PRKG1: variants seen among roughly 807,000 people sequenced by gnomAD.
PRKG1 encodes protein kinase cGMP-dependent 1.
PRKG1 carries 35 observed loss-of-function variants against 88.1 expected under a neutral mutation model. The ratio of observed to expected loss-of-function variants is 0.40; its 90% CI spans 0.30 to 0.53. The LOEUF (loss-of-function observed/expected upper bound fraction) is 0.53, where lower values mean the gene tolerates loss of function less well. Among genes scored for constraint, PRKG1 ranks in the 20% least tolerant of loss-of-function variants. The probability of loss-of-function intolerance (pLI) is 0.59; values close to 1 mark genes in which losing one functional copy is unlikely to be tolerated. For synonymous variants in PRKG1, 303 were observed against 292.5 expected (o/e 1.04, Z -0.37); for missense variants, 540 against 839.8 (o/e 0.64, Z 4.41).
chr10:51,137,316 T>C (rs1465766855), intron 1 of PRKG1, among the ~76,000 whole-genome samples: 3 of 152,202 alleles, frequency 2.0e-5, no homozygotes, highest in Non-Finnish European at 4.4e-5. Flanking sequence ...GTAATTAAGG[T>C]ATATTTTAAT....
At chr10:52,157,308 T>TATATATAG (rs1838140893) in intron 8 of PRKG1, among the ~76,000 whole-genome samples, 1 of 12,070 alleles carries the variant, frequency 8.3e-5, no homozygotes, top group Non-Finnish European at 1.3e-4. Context: ...AGTTAGTTGA[T>TATATATAG]ATATATATAT....
At chr10:51,345,564 A>G (rs948996023) in intron 2 of PRKG1, among the ~76,000 whole-genome samples, 1 of 152,104 alleles carries the variant, frequency 6.6e-6, no homozygotes, top group Non-Finnish European at 1.5e-5. Flanking sequence ...GCAGACAGTA[A>G]TCACTTTTGA....
chr10:51,752,705 G>A (rs1837757997), intron 3 of PRKG1, among the ~76,000 whole-genome samples: 1 of 152,114 alleles, frequency 6.6e-6, no homozygotes, highest in Admixed American at 6.5e-5. Context: ...TTAATTCTGT[G>A]AAGGAGGGGT....
intron 3 of PRKG1, among the ~76,000 whole-genome samples, chr10:51,485,803 G>T (rs748983045): frequency 3.3e-5 from 5 of 152,102 alleles, no homozygotes; most frequent in Non-Finnish European, 7.3e-5. Context: ...CTACATTCAG[G>T]AATTCTTATT....
At chr10:52,002,498 C>T (rs759215846) in intron 5 of PRKG1, among the ~76,000 whole-genome samples, 26 of 152,176 alleles carry the variant, frequency 1.7e-4, no homozygotes, top group African/African-American at 6.3e-4. Context: ...AATGTTAACA[C>T]GGATCCACTC....
At chr10:51,534,102 G>A (rs896401512) in intron 3 of PRKG1, among the ~76,000 whole-genome samples, 1 of 152,132 alleles carries the variant, frequency 6.6e-6, no homozygotes, top group Admixed American at 6.5e-5. Context: ...GAAGGCAGAA[G>A]TCTACAATCC....
intron 3 of PRKG1, among the ~76,000 whole-genome samples, chr10:51,739,085 A>G (rs890748248): frequency 6.6e-6 from 1 of 152,152 alleles, no homozygotes; most frequent in Non-Finnish European, 1.5e-5. Context: ...GGAACCTTGC[A>G]TTTTCATTTT....
At chr10:51,738,200 C>A (rs1362098006) in intron 3 of PRKG1, among the ~76,000 whole-genome samples, 1 of 152,172 alleles carries the variant, frequency 6.6e-6, no homozygotes, top group African/African-American at 2.4e-5. Context: ...TATCCTCTTA[C>A]AGTCCTCAGT....
intron 9 of PRKG1, among the ~76,000 whole-genome samples, chr10:52,172,097 C>T (rs61847299): frequency 0.054 from 8,206 of 152,196 alleles, 487 homozygotes; most frequent in East Asian, 0.31. Flanking sequence ...CCACCGCGCC[C>T]GGCCTATCAA....
Position 51,478,119 on chromosome 10 carries a change from C to G in PRKG1, c.592+10283C>G, listed in dbSNP as rs1840251828. Among the ~76,000 whole-genome samples, 3 of 152,016 alleles carry G rather than the reference C, an allele frequency of 2.0e-5. No individual in the cohort carries two copies. The South Asian group carries it at 6.2e-4, about 32-fold the overall frequency. ...GGCCAGATTTCTTAGGACTTCATGACAAGTGTTTGTGTATTTTGAGTCTGT... is the reference window on the plus strand; with the variant it reads ...GGCCAGATTTCTTAGGACTTCATGAGAAGTGTTTGTGTATTTTGAGTCTGT... On this transcript the variant is annotated intron_variant, in intron 3 of 17. Coordinates refer to ENST00000373980, the MANE Select transcript of PRKG1 (RefSeq NM_006258.4).
intron 12 of PRKG1, among the ~76,000 whole-genome samples, chr10:52,273,953 T>A (rs1485259321): frequency 1.3e-5 from 2 of 152,220 alleles, no homozygotes; most frequent in East Asian, 3.9e-4. Context: ...ATTTGGCATA[T>A]CTAATGTGTT....
intron 5 of PRKG1, among the ~76,000 whole-genome samples, chr10:51,984,980 A>C (rs1844115747): frequency 6.6e-6 from 1 of 152,186 alleles, no homozygotes; most frequent in Non-Finnish European, 1.5e-5. Flanking sequence ...GAAAAGAAGA[A>C]AAGTTGCATA....
intron 9 of PRKG1, among the ~76,000 whole-genome samples, chr10:52,221,425 C>T (rs1240144696): frequency 6.6e-6 from 1 of 152,028 alleles, no homozygotes; most frequent in Non-Finnish European, 1.5e-5. Flanking sequence ...TAAGTCAACA[C>T]GTCTTTTTAA....
At chr10:51,641,060 A>T (rs904326342) in intron 3 of PRKG1, among the ~76,000 whole-genome samples, 2 of 45,024 alleles carry the variant, frequency 4.4e-5, no homozygotes, top group Admixed American at 5.1e-4. Context: ...ATAATAAGAT[A>T]AAAAAAATCA....
At chr10:51,551,340 A>AT (rs1837128060) in intron 3 of PRKG1, among the ~76,000 whole-genome samples, 1 of 151,764 alleles carries the variant, frequency 6.6e-6, no homozygotes, top group Non-Finnish European at 1.5e-5. Context: ...GCTAAAATTT[A>AT]TTTTTTGCTT....
At chr10:51,471,793 C>G (rs1840055679) in intron 3 of PRKG1, among the ~76,000 whole-genome samples, 1 of 151,828 alleles carries the variant, frequency 6.6e-6, no homozygotes, top group Non-Finnish European at 1.5e-5. Context: ...TCTCATTCAA[C>G]TAAACTCCAA....
chr10:51,691,428 G>A (rs952954781), intron 3 of PRKG1, among the ~76,000 whole-genome samples: 7 of 150,538 alleles, frequency 4.6e-5, no homozygotes, highest in Non-Finnish European at 7.4e-5. Context: ...CCACTTCAAC[G>A]TCCTAAGTAG....
chr10:51,628,152 C>CTTTATTTA (rs1418285646), intron 3 of PRKG1, among the ~76,000 whole-genome samples: 1 of 22,858 alleles, frequency 4.4e-5, no homozygotes, highest in African/African-American at 9.1e-5. Flanking sequence ...TTCTTTCTTT[C>CTTTATTTA]TTTCTTTCTT....
At chr10:52,276,059 T>C (rs957135574) in intron 12 of PRKG1, among the ~76,000 whole-genome samples, 1 of 152,174 alleles carries the variant, frequency 6.6e-6, no homozygotes, top group African/African-American at 2.4e-5. Flanking sequence ...TGCTGAATTC[T>C]GTTATCAGTT....
Sources: allele counts gnomAD v4.1 joint callset (sites outside exome capture counted in the v4.1 genomes callset), GRCh38; gene constraint gnomAD v4.1.1; transcripts MANE v1.5; gene names NCBI Gene and HGNC (gene_info 2026-07-23, HGNC 2026-07-21).